The following ATP8A2 variants were observed in gnomAD, a reference collection of about 807,000 sequenced individuals.
The protein encoded by ATP8A2 is ATPase phospholipid transporting 8A2.
ATP8A2 carries 100 observed loss-of-function variants against 165.6 expected under a neutral mutation model. The observed-to-expected ratio is 0.60, with a 90% CI of 0.51 to 0.71. The LOEUF (loss-of-function observed/expected upper bound fraction) is 0.71, where lower values mean the gene tolerates loss of function less well. Ranked by LOEUF, ATP8A2 falls within the 30% of genes least tolerant of loss-of-function variation. The pLI is 0.00. For missense variants in ATP8A2, 1,227 were observed against 1,479.5 expected, an observed-to-expected ratio of 0.83 and a Z score of 2.80; for synonymous variants, 543 against 548.8, an observed-to-expected ratio of 0.99 and a Z score of 0.15.
At chr13:25,936,763 T>C (rs1954902885) in intron 33 of ATP8A2, among the ~76,000 whole-genome samples, 2 of 152,226 alleles carry the variant, frequency 1.3e-5, no homozygotes, top group African/African-American at 2.4e-5. Flanking sequence ...GACACAGGAC[T>C]CTTTCTTCCT....
intron 14 of ATP8A2, 95 bp downstream of exon 14, chr13:25,559,156 A>T: frequency 2.4e-6 from 2 of 836,762 alleles, no homozygotes; most frequent in South Asian, 3.3e-5. Context: ...TGACTTTCTG[A>T]TGTTTTGAAA....
At chr13:25,726,308 G>C (rs3117847) in intron 25 of ATP8A2, among the ~76,000 whole-genome samples, 5,799 of 152,276 alleles carry the variant, frequency 0.038, 173 homozygotes, top group East Asian at 0.12. Context: ...GCGCAAAAGT[G>C]TGAAAAGAAT....
chr13:25,610,217 A>G (rs1214778697), intron 24 of ATP8A2, among the ~76,000 whole-genome samples: 1 of 152,082 alleles, frequency 6.6e-6, no homozygotes, highest in African/African-American at 2.4e-5. Flanking sequence ...GGTTTTTCCA[A>G]TGTTATCTTC....
At chr13:25,430,187 G>A (rs1173630521) in intron 1 of ATP8A2, among the ~76,000 whole-genome samples, 1 of 152,096 alleles carries the variant, frequency 6.6e-6, no homozygotes, top group Non-Finnish European at 1.5e-5. Context: ...GTCCATGAGA[G>A]AGGTCCAGGC....
chr13:25,469,001 A>G lies in ATP8A2; in HGVS notation c.101A>G (p.Tyr34Cys). The change falls in exon 2 of 37, where the codon TAT (tyrosine) becomes TGT (cysteine). Residue 34 changes from tyrosine to cysteine, a missense_variant. Tyr to Cys is a radical substitution (Grantham distance 194, BLOSUM62 -2). Around this residue, in one of 5 missense-constraint regions of ATP8A2, gnomAD observed 356 missense variants for 394.9 expected, o/e 0.90. Transcript: ENST00000381655. ...SVGPVRSSLG[Y>C]KKAEDEMSRA... is the part of the protein sequence containing the mutation. ...GGACCTGTTCGTTCTTCTTTGGGCT[A>G]TAAGAAGGCAGAGGATGAGATGTCC... The G allele has an allele frequency of 6.2e-7, 1 of 1,613,982 alleles. No individual in the cohort carries two copies. The highest frequency in any genetic ancestry group is 1.1e-5 in the South Asian group (1 of 91,084).
intron 2 of ATP8A2, among the ~76,000 whole-genome samples, chr13:25,494,944 G>A (rs1049818579): frequency 7.2e-5 from 11 of 152,178 alleles, no homozygotes; most frequent in African/African-American, 2.7e-4. Context: ...GTGACAGCTT[G>A]CTTTCTTTTC....
chr13:25,813,963 G>C (rs534437886), intron 27 of ATP8A2, among the ~76,000 whole-genome samples: 71 of 152,168 alleles, frequency 4.7e-4, no homozygotes, highest in African/African-American at 1.6e-3. Context: ...CCTGCCTTCA[G>C]ACTGGAACTG....
chr13:25,486,335 A>G (rs1314397288), intron 2 of ATP8A2, among the ~76,000 whole-genome samples: 2 of 152,240 alleles, frequency 1.3e-5, no homozygotes, highest in East Asian at 3.8e-4. Flanking sequence ...TTAGAAGAGT[A>G]GATTATAAGA....
At chr13:25,724,124 A>G (rs2043443606) in intron 25 of ATP8A2, among the ~76,000 whole-genome samples, 2 of 152,220 alleles carry the variant, frequency 1.3e-5, no homozygotes, top group African/African-American at 2.4e-5. Flanking sequence ...AGATGAGAAC[A>G]CAGCCTGGCT....
chr13:25,517,231 TAAAA>T, intron 2 of ATP8A2: 2 of 147,864 alleles, frequency 1.4e-5, no homozygotes, highest in Middle Eastern at 6.8e-3. Context: ...TTTTTAAAGT[TAAAA>T]AAAAAAGAAA....
intron 35 of ATP8A2, among the ~76,000 whole-genome samples, chr13:25,977,197 G>C (rs1956068755): frequency 6.6e-6 from 1 of 151,738 alleles, no homozygotes; most frequent in Admixed American, 6.6e-5. Flanking sequence ...AGCCTAGTAT[G>C]GTCTATGAAA....
intron 24 of ATP8A2, among the ~76,000 whole-genome samples, chr13:25,677,998 A>C (rs540677208): frequency 6.6e-6 from 1 of 152,172 alleles, no homozygotes; most frequent in Non-Finnish European, 1.5e-5. Flanking sequence ...CAGAAAGTCA[A>C]ATTTTAATGA....
chr13:25,884,732 C>T lies in ATP8A2; in HGVS notation c.3183+22324C>T, dbSNP rs75748161. Among the ~76,000 whole-genome samples, 50 of 152,316 alleles carry T rather than the reference C, an allele frequency of 3.3e-4. No homozygotes were observed. In the East Asian group the frequency reaches 8.5e-3, roughly 26 times the overall value. The stretch of plus-strand genomic sequence containing the variant: ...TAAGCATGCTTTGAAAAGTAAAATT[C>T]GTGAGAATGGGGCCCAAACATGAGA... On this transcript the variant is annotated intron_variant, in intron 33 of 36. Coordinates refer to ENST00000381655, the MANE Select transcript of ATP8A2 (RefSeq NM_016529.6).
intron 36 of ATP8A2, among the ~76,000 whole-genome samples, chr13:26,015,172 GCTTC>G (rs150362344): frequency 0.014 from 2,181 of 152,222 alleles, 51 homozygotes; most frequent in African/African-American, 0.049. Context: ...AAATAAGAAG[GCTTC>G]TGAAATCACA....
chr13:25,416,294 T>C (rs2034131419), intron 1 of ATP8A2, among the ~76,000 whole-genome samples: 1 of 152,234 alleles, frequency 6.6e-6, no homozygotes, highest in Admixed American at 6.5e-5. Flanking sequence ...ATCTGAGAAC[T>C]GTATTTCAGT....
intron 33 of ATP8A2, among the ~76,000 whole-genome samples, chr13:25,958,095 A>G (rs572063149): frequency 3.0e-4 from 45 of 152,052 alleles, no homozygotes; most frequent in Admixed American, 1.5e-3. Flanking sequence ...GAACACATGG[A>G]CACAGGGAGG....
rs2035363578 is a variant in ATP8A2, at chr13:25,456,360, T to G, written c.77-12617T>G. 2.6e-5 allele frequency among the ~76,000 whole-genome samples: 4 copies of G among 152,238 alleles called. No homozygotes were observed. The South Asian group carries it at 8.3e-4, about 32-fold the overall frequency. ...TCCACACTTATACAAGTGGACATCTTGTTAACTGGGAAGGCAGACACATAA... is the reference window on the plus strand; with the variant it reads ...TCCACACTTATACAAGTGGACATCTGGTTAACTGGGAAGGCAGACACATAA... On this transcript the variant is annotated intron_variant, in intron 1 of 36. Transcript: ENST00000381655.
At chr13:25,765,312 C>T (rs2044468830) in intron 25 of ATP8A2, among the ~76,000 whole-genome samples, 1 of 152,180 alleles carries the variant, frequency 6.6e-6, no homozygotes. Flanking sequence ...TAGCTTGGGT[C>T]AGCTGTGGTC....
intron 24 of ATP8A2, among the ~76,000 whole-genome samples, chr13:25,631,653 T>C (rs2041242963): frequency 2.0e-5 from 3 of 152,160 alleles, no homozygotes; most frequent in Admixed American, 2.0e-4. Context: ...CTAGGCACTG[T>C]ACTTTCTCAG....
Sources: gnomAD v4.1 joint callset for allele counts (sites outside exome capture counted in the v4.1 genomes callset) on GRCh38, gnomAD v4.1.1 for gene constraint, gnomAD v4.1.1 regional missense constraint, MANE v1.5 for transcripts, NCBI Gene and HGNC (gene_info 2026-07-23, HGNC 2026-07-21) for gene names.